Variants in PER3 observed in about 807,000 individuals in gnomAD.
PER3 encodes period circadian protein homolog 3.
Under a neutral mutation model 127.2 loss-of-function variants are expected in PER3, and 107 were observed. The ratio of observed to expected loss-of-function variants is 0.84; its 90% CI spans 0.72 to 0.99. The LOEUF is 0.99. Ranked by LOEUF, PER3 falls within the 50% of genes least tolerant of loss-of-function variation. The pLI is 0.00. For missense variants in PER3, 1,560 were observed against 1,525.8 expected, an observed-to-expected ratio of 1.02 and a Z score of -0.37; for synonymous variants, 618 against 585.8, an observed-to-expected ratio of 1.05 and a Z score of -0.79.
Position 7,819,406 on chromosome 1 carries a change from C to T in PER3, c.1644C>T (p.Ile548=), listed in dbSNP as rs374459315. 4.3e-6 allele frequency: 7 copies of T among 1,613,838 alleles called. No individual in the cohort carries two copies. The highest frequency in any genetic ancestry group is 1.7e-5 in the Admixed American group (1 of 59,996). Reference sequence around the variant, plus strand: ...CATCCTATCAACAGATCAACTGTATCGACAGTGTCATCAGGTATGAGACCG... The same window carrying T: ...CATCCTATCAACAGATCAACTGTATTGACAGTGTCATCAGGTATGAGACCG... ...HSPSYQQINC[I]DSVIRYLKSY... The change falls in exon 14 of 22, where the codon ATC becomes ATT. Residue 548 remains isoleucine (I), a synonymous_variant. Coordinates refer to ENST00000377532, the MANE Select transcript of PER3 (RefSeq NM_001377275.1).
intron 10 of PER3, among the ~76,000 whole-genome samples, chr1:7,808,099 G>A (rs1223174734): frequency 1.3e-5 from 2 of 152,014 alleles, no homozygotes; most frequent in Non-Finnish European, 2.9e-5. Context: ...CAGGCGTGGT[G>A]GCGTGCACCT....
At chr1:7,796,345 A>T (rs1168982425) in intron 6 of PER3, among the ~76,000 whole-genome samples, 5 of 63,312 alleles carry the variant, frequency 7.9e-5, no homozygotes, top group Non-Finnish European at 1.9e-4. Flanking sequence ...TTGAGACAGG[A>T]TCTCACTGTG....
Position 7,819,332 on chromosome 1 carries a change from A to T in PER3, c.1570A>T (p.Ser524Cys). The change falls in exon 14 of 22, where the codon AGT becomes TGT. Residue 524 changes from serine (S) to cysteine (C), a missense_variant. Transcript: ENST00000377532. ...TSFHQTLKNN[S>C]VYTEPCEDLR... Reference sequence around the variant, plus strand: ...CTTCCACCAAACACTGAAAAACAATAGTGTGTACACTGAGCCCTGTGAGGA... The same window carrying T: ...CTTCCACCAAACACTGAAAAACAATTGTGTGTACACTGAGCCCTGTGAGGA... The T allele has an allele frequency of 6.2e-7, 1 of 1,613,606 alleles. No homozygotes were observed. Among genetic ancestry groups the T allele is most frequent in the South Asian group, 1.1e-5 (1 of 91,078 alleles).
chr1:7,798,444 T>C (rs1053685679), intron 6 of PER3, 81 bp from the exon 7 acceptor site: 14 of 1,091,042 alleles, frequency 1.3e-5, no homozygotes, highest in Non-Finnish European at 1.9e-5. Flanking sequence ...AAATTACCAA[T>C]AAAATATTTC....
intron 19 of PER3, among the ~76,000 whole-genome samples, chr1:7,831,047 T>C (rs928722730): frequency 1.3e-5 from 2 of 152,246 alleles, no homozygotes; most frequent in Admixed American, 6.5e-5. Flanking sequence ...AATCTATAGA[T>C]GATCAATACG....
intron 19 of PER3, among the ~76,000 whole-genome samples, chr1:7,835,246 A>T (rs1465974965): frequency 6.6e-6 from 1 of 152,168 alleles, no homozygotes; most frequent in Non-Finnish European, 1.5e-5. Context: ...GTACCCTGTT[A>T]TATGTGACTT....
rs1402314882 is a variant in PER3 at position 7,845,122 on chromosome 1, G to A, written c.*2367G>A. 3.3e-5 allele frequency: 5 copies of A among 152,322 alleles called. No individual in the cohort carries two copies. The highest frequency in any genetic ancestry group is 6.5e-5 in the Admixed American group (1 of 15,284). 9.4% of individuals were successfully genotyped at this position (152,322 alleles called of 1,614,324 possible). ...GTTTTTAATCATTAGTAATATTTCA[G>A]TTGGGTATCTTTTTAAGTAAAAACA... On this transcript the variant is annotated 3_prime_UTR_variant, in exon 22 of 22. Coordinates refer to ENST00000377532, the MANE Select transcript of PER3 (RefSeq NM_001377275.1).
intron 20 of PER3, 31 bp downstream of exon 20, chr1:7,835,976 TA>T: frequency 6.9e-7 from 1 of 1,439,450 alleles, no homozygotes; most frequent in Non-Finnish European, 9.5e-7. Context: ...ACCCACTTTT[TA>T]TATTTTTGTG....
chr1:7,785,138 A>G (rs977914119), intron 2 of PER3, 133 bp downstream of exon 2: 23 of 967,706 alleles, frequency 2.4e-5, no homozygotes, highest in South Asian at 1.1e-4. Flanking sequence ...GACTCGGGCA[A>G]TGTAGGATGA....
At chr1:7,807,462 T>C (rs1037271499) in intron 10 of PER3, among the ~76,000 whole-genome samples, 1 of 152,222 alleles carries the variant, frequency 6.6e-6, no homozygotes, top group Admixed American at 6.5e-5. Flanking sequence ...TTTGGGAAAC[T>C]GTTTCAGTTT....
In PER3 at chr1:7,826,749, T is replaced by A; in HGVS notation, c.2188+39T>A. The A allele has an allele frequency of 1.6e-6, 2 of 1,215,430 alleles. No homozygotes were observed. The highest frequency in any genetic ancestry group is 1.5e-5 in the African/African-American group (1 of 66,444). The allele number at this position is 1,215,430 out of a possible 1,614,324, so 75.3% of individuals were successfully genotyped here. The stretch of plus-strand genomic sequence containing the variant: ...TAAAAATAAATGCCATTAATCTATG[T>A]AAATGTTACAAACTGTATCTAAGGA... On this transcript the variant is annotated intron_variant, in intron 17 of 21. Coordinates refer to ENST00000377532, the MANE Select transcript of PER3 (RefSeq NM_001377275.1). This position sits in a 1 kb window ranked among gnomAD's most constrained non-coding sequence, Gnocchi z 4.2.
rs1343592415 is a variant in PER3, at chr1:7,809,985, C to A, written c.1335C>A (p.Ala445=). 1 of 1,613,764 alleles carries A rather than the reference C, an allele frequency of 6.2e-7. No homozygotes were observed. Among genetic ancestry groups the A allele is most frequent in the Non-Finnish European group, 8.5e-7 (1 of 1,179,772 alleles). The change falls in exon 12 of 22, where the codon GCC becomes GCA. Residue 445 remains alanine, a synonymous_variant. Coordinates refer to ENST00000377532, the MANE Select transcript of PER3 (RefSeq NM_001377275.1). ...TCAGCATCGCCTCCTCCAGTGAGGC[C>A]AGTGGGCACCGTGTGGAGGAGACGA... The part of the protein sequence containing the change: ...QLVSIASSSE[A]SGHRVEETKA...
intron 16 of PER3, among the ~76,000 whole-genome samples, chr1:7,821,985 A>T (rs1432878389): frequency 6.6e-6 from 1 of 152,252 alleles, no homozygotes; most frequent in East Asian, 1.9e-4. Context: ...CAAATTAGGC[A>T]CAGTAACTTC....
intron 16 of PER3, 109 bp downstream of exon 16, chr1:7,820,749 CAT>C (rs2097272968): frequency 2.4e-6 from 2 of 825,832 alleles, no homozygotes; most frequent in Non-Finnish European, 3.7e-6. Flanking sequence ...CTAAACTACA[CAT>C]ATTTTTTCCT....
chr1:7,830,359 T>C (rs1177770351), intron 19 of PER3, among the ~76,000 whole-genome samples, 198 bp downstream of exon 19: 2 of 152,190 alleles, frequency 1.3e-5, no homozygotes, highest in African/African-American at 4.8e-5. Context: ...CAAACAAGAA[T>C]TCTGACAGAT....
intron 10 of PER3, among the ~76,000 whole-genome samples, chr1:7,804,749 A>G (rs2097185764): frequency 6.6e-6 from 1 of 151,820 alleles, no homozygotes; most frequent in Non-Finnish European, 1.5e-5. Flanking sequence ...AGCTGACACC[A>G]GCTTGTTTGC....
At position 7,801,211 on chromosome 1, in the gene PER3, TA is replaced by T; in HGVS notation, c.872+24del. Reference sequence around the variant, plus strand: ...TGAAAAGTAAGTACTTCTTTAAGCCTAAAAGAAATTTGTTTCTGAAAATAAA... The same window carrying T: ...TGAAAAGTAAGTACTTCTTTAAGCCTAAAGAAATTTGTTTCTGAAAATAAA... On this transcript the variant is annotated intron_variant, in intron 8 of 21. Transcript: ENST00000377532. 1 of 1,327,174 alleles carries T rather than the reference TA, an allele frequency of 7.5e-7. No homozygotes were observed. Among genetic ancestry groups the T allele is most frequent in the Admixed American group, 2.1e-5 (1 of 48,556 alleles). The allele number at this position is 1,327,174 out of a possible 1,614,324, so 82.2% of individuals were successfully genotyped here.
intron 6 of PER3, among the ~76,000 whole-genome samples, chr1:7,798,129 G>A (rs964636573): frequency 6.6e-6 from 1 of 152,196 alleles, no homozygotes; most frequent in African/African-American, 2.4e-5. Flanking sequence ...AACTAGCCCC[G>A]GGGCATGATT....
intron 19 of PER3, among the ~76,000 whole-genome samples, chr1:7,833,261 T>C (rs2097341577): frequency 6.6e-6 from 1 of 152,248 alleles, no homozygotes; most frequent in Non-Finnish European, 1.5e-5. Flanking sequence ...TTGAGTCATG[T>C]GTTCTGTAAA....
Sources: allele counts gnomAD v4.1 joint callset (sites outside exome capture counted in the v4.1 genomes callset), GRCh38; gene constraint gnomAD v4.1.1; non-coding constraint Gnocchi (gnomAD v3.1); transcripts MANE v1.5; gene names NCBI Gene and HGNC (gene_info 2026-07-23, HGNC 2026-07-21).